Variants in FGF14 observed in about 807,000 individuals in gnomAD.
FGF14 encodes fibroblast growth factor homologous factor 4.
Under a neutral mutation model 25.5 loss-of-function variants are expected in FGF14, and 5 were observed. The observed-to-expected ratio is 0.20, with a 90% CI of 0.10 to 0.41. The LOEUF (loss-of-function observed/expected upper bound fraction) is 0.41, where lower values mean the gene tolerates loss of function less well. Ranked by LOEUF, FGF14 falls within the 10% of genes least tolerant of loss-of-function variation. The pLI is 1.00. For synonymous variants in FGF14, 138 were observed against 118.3 expected (o/e 1.17, Z -1.08); for missense variants, 222 against 320.1 (o/e 0.69, Z 2.34).
intron 1 of FGF14, among the ~76,000 whole-genome samples, chr13:102,392,188 C>T (rs913292733): frequency 2.6e-5 from 4 of 152,192 alleles, no homozygotes; most frequent in African/African-American, 9.7e-5. Flanking sequence ...GGCATTTTAA[C>T]TACATTCATT....
chr13:101,740,026 A>C (rs1594087884), intron 3 of FGF14, among the ~76,000 whole-genome samples: 1 of 152,166 alleles, frequency 6.6e-6, no homozygotes, highest in African/African-American at 2.4e-5. Context: ...GTTCTGTTTC[A>C]CTCTGACTAC....
rs1189050306 is a variant in FGF14, at chr13:101,712,387, G to A, written c.*10444C>T. On this transcript the variant is annotated 3_prime_UTR_variant, in exon 5 of 5. Coordinates refer to ENST00000376143, the MANE Select transcript of FGF14 (RefSeq NM_004115.4). Reference sequence around the variant, plus strand: ...CATATATGCCATATTAGCTTTAGCTGAGCTTACCAGTTTTCTGAAAATGCT... The same window carrying A: ...CATATATGCCATATTAGCTTTAGCTAAGCTTACCAGTTTTCTGAAAATGCT... 1 of 152,146 alleles carries A rather than the reference G, an allele frequency of 6.6e-6. No homozygotes were observed. Among genetic ancestry groups the A allele is most frequent in the Non-Finnish European group, 1.5e-5 (1 of 68,026 alleles). 9.4% of individuals were successfully genotyped at this position (152,146 alleles called of 1,614,324 possible).
intron 1 of FGF14, among the ~76,000 whole-genome samples, chr13:102,071,143 T>C (rs1328347329): frequency 6.6e-6 from 1 of 152,188 alleles, no homozygotes; most frequent in East Asian, 1.9e-4. Flanking sequence ...GAAAAAGATG[T>C]TTAACAAATA....
intron 1 of FGF14, among the ~76,000 whole-genome samples, chr13:102,176,666 C>T (rs1182938916): frequency 6.6e-6 from 1 of 151,960 alleles, no homozygotes; most frequent in African/African-American, 2.4e-5. Flanking sequence ...TAATGTATTG[C>T]ACAATTAAAA....
At chr13:102,401,451 A>G (rs780558428) in intron 1 of FGF14, 3 of 1,610,122 alleles carry the variant, frequency 1.9e-6, no homozygotes, top group Non-Finnish European at 2.6e-6. Context: ...AAAACATAAC[A>G]TGATGCATGT....
intron 1 of FGF14, among the ~76,000 whole-genome samples, chr13:102,075,462 G>A (rs1481368635): frequency 6.6e-6 from 1 of 152,128 alleles, no homozygotes; most frequent in Non-Finnish European, 1.5e-5. Flanking sequence ...TTTCTCATGT[G>A]TTTGTGGTGA....
At chr13:101,847,073 T>G (rs1025451501) in intron 3 of FGF14, among the ~76,000 whole-genome samples, 6 of 152,006 alleles carry the variant, frequency 3.9e-5, no homozygotes, top group African/African-American at 1.4e-4. Context: ...TCCTTTCCAT[T>G]CTAAAATTCA....
At chr13:101,764,203 T>C (rs1473248508) in intron 3 of FGF14, among the ~76,000 whole-genome samples, 1 of 152,214 alleles carries the variant, frequency 6.6e-6, no homozygotes, top group Non-Finnish European at 1.5e-5. Context: ...TCCAATATAC[T>C]TTCTTGTTGG....
At chr13:102,142,460 C>T (rs1594124427) in intron 1 of FGF14, among the ~76,000 whole-genome samples, 1 of 152,068 alleles carries the variant, frequency 6.6e-6, no homozygotes, top group East Asian at 1.9e-4. Context: ...CTAATCTTGT[C>T]ACCCTGGATG....
chr13:102,264,327 G>A (rs1451504914), intron 1 of FGF14, among the ~76,000 whole-genome samples: 2 of 152,144 alleles, frequency 1.3e-5, no homozygotes, highest in Non-Finnish European at 2.9e-5. Context: ...TGCATTCTTT[G>A]CTCCTTCTCC....
chr13:102,257,342 CTTTTTTTTTTTT>C (rs71125058), intron 1 of FGF14, among the ~76,000 whole-genome samples: 1 of 32,554 alleles, frequency 3.1e-5, no homozygotes, highest in Admixed American at 5.1e-4. Flanking sequence ...CCTTTCTTTT[CTTTTTTTTTTTT>C]TTTTTTTTTT....
intron 1 of FGF14, among the ~76,000 whole-genome samples, chr13:102,151,613 C>T (rs1202852006): frequency 1.3e-5 from 2 of 152,116 alleles, no homozygotes; most frequent in Non-Finnish European, 2.9e-5. Flanking sequence ...ATTGTCCTGC[C>T]TTAGCCTCCA....
intron 1 of FGF14, among the ~76,000 whole-genome samples, chr13:102,314,657 C>T (rs2055932376): frequency 2.0e-5 from 3 of 152,242 alleles, no homozygotes; most frequent in Admixed American, 6.5e-5. Context: ...GGTAGACGTA[C>T]ATGCAAATAA....
chr13:101,760,689 A>G (rs1451690644), intron 3 of FGF14, among the ~76,000 whole-genome samples: 2 of 152,220 alleles, frequency 1.3e-5, no homozygotes, highest in African/African-American at 4.8e-5. Flanking sequence ...CATCTATTGC[A>G]TGCTGATCAC....
At chr13:101,986,917 TAC>T (rs1175707398) in intron 1 of FGF14, among the ~76,000 whole-genome samples, 1 of 145,070 alleles carries the variant, frequency 6.9e-6, no homozygotes, top group Non-Finnish European at 1.5e-5. Flanking sequence ...TCTCTATGTA[TAC>T]ACACACATGT....
intron 1 of FGF14, among the ~76,000 whole-genome samples, chr13:102,142,630 T>C (rs1566738931): frequency 6.6e-6 from 1 of 152,100 alleles, no homozygotes; most frequent in East Asian, 1.9e-4. Flanking sequence ...GCCTCTAAGG[T>C]AGAAAGGGTA....
intron 1 of FGF14, among the ~76,000 whole-genome samples, chr13:102,031,651 T>C (rs777514702): frequency 4.7e-5 from 7 of 150,022 alleles, no homozygotes; most frequent in Non-Finnish European, 7.4e-5. Context: ...ACAGATATAA[T>C]GAAAACATAA....
intron 3 of FGF14, among the ~76,000 whole-genome samples, chr13:101,865,166 A>G (rs1260692132): frequency 6.6e-6 from 1 of 152,106 alleles, no homozygotes; most frequent in Admixed American, 6.6e-5. Flanking sequence ...ATGATGAATG[A>G]CATTTTCCTT....
rs575392526 is a variant in FGF14, at chr13:101,771,219, G to A, written c.409-44409C>T. 9.9e-5 allele frequency among the ~76,000 whole-genome samples: 15 copies of A among 152,156 alleles called. No homozygotes were observed. The South Asian group carries it at 2.7e-3, about 27-fold the overall frequency. On this transcript the variant is annotated intron_variant, in intron 3 of 4. Coordinates refer to ENST00000376143, the MANE Select transcript of FGF14 (RefSeq NM_004115.4). ...TACAGTGTTAGCTCCACTTGGCACC[G>A]TATTTCATTAGCAGTGTGGTAGCAT...
Sources: gnomAD v4.1 joint callset for allele counts (sites outside exome capture counted in the v4.1 genomes callset) on GRCh38, gnomAD v4.1.1 for gene constraint, MANE v1.5 for transcripts, NCBI Gene and HGNC (gene_info 2026-07-23, HGNC 2026-07-21) for gene names.